The following MAP1LC3A variants were observed in gnomAD, a reference collection of about 807,000 sequenced individuals.
MAP1LC3A encodes microtubule associated protein 1 light chain 3 alpha.
A neutral mutation model predicts 15.2 loss-of-function variants in MAP1LC3A; 10 were observed. The observed-to-expected ratio is 0.66, with a 90% CI of 0.41 to 1.12. MAP1LC3A has a LOEUF of 1.12. MAP1LC3A is among the 50% of genes most tolerant of loss of function. The pLI, the probability that MAP1LC3A is intolerant of heterozygous loss-of-function variation, is 0.00. For synonymous variants in MAP1LC3A, 63 were observed against 64.3 expected (o/e 0.98, Z 0.10); for missense variants, 138 against 167.3 (o/e 0.82, Z 0.97).
chr20:34,549,977 G>C (rs1161101687), exon 2 of MAP1LC3A: 2 of 1,614,092 alleles, frequency 1.2e-6, no homozygotes, highest in Admixed American at 3.3e-5. Context: ...CAGTTTTGCA[G>C]ATGAAGATGA....
upstream of MAP1LC3A, chr20:34,558,266 C>A: frequency 3.0e-6 from 3 of 984,552 alleles, no homozygotes; most frequent in Non-Finnish European, 3.6e-6. The surrounding 1 kb of genome is among the most constrained non-coding windows in gnomAD (Gnocchi z 4.3). Flanking sequence ...CAAACCTGGG[C>A]GTTCATTTCT....
At chr20:34,558,581 GC>G (rs1982250180), upstream of MAP1LC3A, 1 of 1,192,710 alleles carries the variant, frequency 8.4e-7, no homozygotes, top group Non-Finnish European at 1.0e-6. The surrounding 1 kb of genome is among the most constrained non-coding windows in gnomAD (Gnocchi z 4.3). Flanking sequence ...CAGAAGCCCC[GC>G]CCCTCGCGTC....
In MAP1LC3A at chr20:34,560,063, T is replaced by G; in HGVS notation, c.*165T>G. On this transcript the variant is annotated 3_prime_UTR_variant, in exon 4 of 4. Coordinates refer to ENST00000360668, the MANE Select transcript of MAP1LC3A (RefSeq NM_032514.4). ...CCCACCTACTCTGCCCCTGGGTGGA[T>G]CCTGGGCCGGTCGTGTTAGGGTTGT... 4 of 532,734 alleles carry G rather than the reference T, an allele frequency of 7.5e-6. No individual in the cohort carries two copies. The highest frequency in any genetic ancestry group is 2.0e-5 in the African/African-American group (1 of 50,132). 33.0% of individuals were successfully genotyped at this position (532,734 alleles called of 1,614,324 possible).
At chr20:34,555,825 C>G (rs890839752), upstream of MAP1LC3A, among the ~76,000 whole-genome samples, 1 of 150,166 alleles carries the variant, frequency 6.7e-6, no homozygotes, top group Non-Finnish European at 1.5e-5. Context: ...CCTGCCATGG[C>G]CCCCCTCCCA....
chr20:34,559,510 C>A, intron 3 of MAP1LC3A, 57 bp downstream of exon 3: 1 of 1,501,450 alleles, frequency 6.7e-7, no homozygotes, highest in Non-Finnish European at 9.2e-7. Flanking sequence ...GCCGGGTTCC[C>A]GCCGAGAAGG....
intron 2 of MAP1LC3A, among the ~76,000 whole-genome samples, chr20:34,551,466 CCTT>C (rs1341315510): frequency 2.5e-5 from 3 of 117,862 alleles, no homozygotes; most frequent in East Asian, 5.1e-4. Flanking sequence ...GGAACGCTGT[CCTT>C]TTTTTTTTTT....
intron 2 of MAP1LC3A, among the ~76,000 whole-genome samples, chr20:34,551,142 C>T (rs1405437894): frequency 6.6e-6 from 1 of 151,784 alleles, no homozygotes; most frequent in East Asian, 1.9e-4. Context: ...ATCCCAGCTA[C>T]TCAGGAGACC....
At chr20:34,547,417 C>CT (rs935450076) in intron 1 of MAP1LC3A, among the ~76,000 whole-genome samples, 3,901 of 121,058 alleles carry the variant, frequency 0.032, 122 homozygotes, top group African/African-American at 0.046. Context: ...CGCTCCCCAC[C>CT]TTTTTTTTTT....
In MAP1LC3A at chr20:34,559,240, G is replaced by A; in HGVS notation, c.73G>A (p.Asp25Asn). 1 of 1,605,690 alleles carries A rather than the reference G, an allele frequency of 6.2e-7. No homozygotes were observed. Among genetic ancestry groups the A allele is most frequent in the South Asian group, 1.1e-5 (1 of 89,966 alleles). Residue 25 changes from aspartate to asparagine, a missense_variant, in exon 2 of 4, where the codon GAC (aspartate) becomes AAC (asparagine). Coordinates refer to ENST00000360668, the MANE Select transcript of MAP1LC3A (RefSeq NM_032514.4). ...DRCKEVQQIR[D>N]QHPSKIPVII... ...CTGTAAGGAGGTACAGCAGATCCGC[G>A]ACCAGCACCCCAGCAAAATCCCGGT...
chr20:34,558,302 A>T (rs1600571891), upstream of MAP1LC3A: 1 of 985,938 alleles, frequency 1.0e-6, no homozygotes, highest in South Asian at 4.7e-5. This position sits in a 1 kb window ranked among gnomAD's most constrained non-coding sequence, Gnocchi z 4.3. Flanking sequence ...CCTGTGTCTG[A>T]CTGTGCCTCC....
At chr20:34,559,115 A>AGCTGGG (rs1982300851) in intron 1 of MAP1LC3A, 93 bp from the exon 2 acceptor site, 1 of 1,377,028 alleles carries the variant, frequency 7.3e-7, no homozygotes, top group African/African-American at 1.5e-5. Context: ...TGGGGGCTGG[A>AGCTGGG]GCTGGGGCGT....
chr20:34,549,827 G>C, intron 1 of MAP1LC3A: 7 of 642,140 alleles, frequency 1.1e-5, no homozygotes, highest in Non-Finnish European at 1.7e-5. Flanking sequence ...TTCTGGTTCA[G>C]CCAGTCTTCA....
upstream of MAP1LC3A, among the ~76,000 whole-genome samples, chr20:34,554,852 A>AT (rs1982091991): frequency 6.7e-6 from 1 of 150,170 alleles, no homozygotes; most frequent in Non-Finnish European, 1.5e-5. Context: ...GTATTTTGTA[A>AT]TTTTTGTATT....
intron 1 of MAP1LC3A, among the ~76,000 whole-genome samples, chr20:34,548,981 C>T (rs889683028): frequency 1.3e-5 from 2 of 152,142 alleles, no homozygotes; most frequent in Admixed American, 1.3e-4. Context: ...GCTGGGATTA[C>T]AGGTGTGAGC....
At chr20:34,547,844 T>G (rs1981797093) in intron 1 of MAP1LC3A, among the ~76,000 whole-genome samples, 1 of 152,134 alleles carries the variant, frequency 6.6e-6, no homozygotes, top group African/African-American at 2.4e-5. Flanking sequence ...GGTCTTGAGC[T>G]CCTGCGGCCT....
At chr20:34,549,960 A>G (rs750744858) in exon 2 of MAP1LC3A, 1 of 1,613,752 alleles carries the variant, frequency 6.2e-7, no homozygotes, top group Admixed American at 1.7e-5. Flanking sequence ...TAGTTCTGAC[A>G]CTGTCTCAGT....
chr20:34,559,292 G>A (rs781038499), intron 2 of MAP1LC3A, 29 bp downstream of exon 2: 2 of 707,208 alleles, frequency 2.8e-6, no homozygotes, highest in African/African-American at 2.4e-5. Flanking sequence ...GCCCTGCCCC[G>A]CCCCCGCCTC....
chr20:34,550,099 C>T (rs1208027167), intron 2 of MAP1LC3A: 1 of 1,498,532 alleles, frequency 6.7e-7, no homozygotes, highest in Non-Finnish European at 9.3e-7. Flanking sequence ...TCGCGGTCAT[C>T]AGTGGCCAAG....
Position 34,558,962 on chromosome 20 carries a change from C to T in MAP1LC3A, c.40+54C>T. 1.5e-6 allele frequency: 2 copies of T among 1,346,956 alleles called. No homozygotes were observed. Among genetic ancestry groups the T allele is most frequent in the Non-Finnish European group, 1.9e-6 (2 of 1,054,560 alleles). 83.4% of individuals were successfully genotyped at this position (1,346,956 alleles called of 1,614,324 possible). A position where few individuals can be genotyped will look rare whatever the true frequency, so the allele number is the denominator to read the frequency against. On this transcript the variant is annotated intron_variant, in intron 1 of 3. Transcript: ENST00000360668. The surrounding 1 kb of genome is among the most constrained non-coding windows in gnomAD (Gnocchi z 4.3). ...CTGGGGCAGGGGTGCCGGCCGACCC[C>T]GACTGCCGCAGGTGACGTCAGCCCC...
Sources: allele counts gnomAD v4.1 joint callset (sites outside exome capture counted in the v4.1 genomes callset), GRCh38; gene constraint gnomAD v4.1.1; non-coding constraint Gnocchi (gnomAD v3.1); transcripts MANE v1.5; gene names NCBI Gene and HGNC (gene_info 2026-07-23, HGNC 2026-07-21).